Variants in PKIA observed in about 807,000 individuals in gnomAD.
PKIA encodes cAMP-dependent protein kinase inhibitor alpha, also known as PKI-alpha.
In PKIA, 4 loss-of-function variants were observed where a neutral mutation model predicts 7.6. The observed-to-expected ratio is 0.52, with a 90% CI of 0.26 to 1.20. The LOEUF (loss-of-function observed/expected upper bound fraction) is 1.20. Ranked by LOEUF, PKIA falls within the 50% of genes most tolerant of loss-of-function variation. The pLI is 0.13. For missense variants in PKIA, 73 were observed against 86.2 expected (o/e 0.85, Z 0.61); for synonymous variants, 21 against 30.7 (o/e 0.68, Z 1.04).
chr8:78,541,328 C>G (rs927076309), intron 1 of PKIA, among the ~76,000 whole-genome samples: 1 of 152,080 alleles, frequency 6.6e-6, no homozygotes, highest in African/African-American at 2.4e-5. Flanking sequence ...GGGTCATGCT[C>G]TTAATCATGA....
intron 1 of PKIA, among the ~76,000 whole-genome samples, chr8:78,548,706 T>G (rs754332893): frequency 2.0e-5 from 3 of 152,110 alleles, no homozygotes; most frequent in Non-Finnish European, 2.9e-5. Context: ...GTCAAATATA[T>G]GCAACTCCCT....
chr8:78,547,912 GTTAC>G (rs1242764528), intron 1 of PKIA, among the ~76,000 whole-genome samples: 19 of 152,068 alleles, frequency 1.2e-4, no homozygotes, highest in Admixed American at 1.2e-3. Context: ...ACTTTGTCCA[GTTAC>G]TTAAATTCAG....
chr8:78,597,739 T>G (rs1314407943), intron 2 of PKIA, among the ~76,000 whole-genome samples: 1 of 152,226 alleles, frequency 6.6e-6, no homozygotes, highest in Non-Finnish European at 1.5e-5. Context: ...AGTTTGTTTA[T>G]TACATTTGTT....
chr8:78,569,974 C>T (rs979930974), intron 1 of PKIA, among the ~76,000 whole-genome samples: 161 of 151,954 alleles, frequency 1.1e-3, no homozygotes, highest in African/African-American at 3.5e-3. Flanking sequence ...ATTTATCAAA[C>T]TTGAAAAACA....
At chr8:78,601,311 A>T (rs2130295429) in intron 3 of PKIA, among the ~76,000 whole-genome samples, 1 of 152,210 alleles carries the variant, frequency 6.6e-6, no homozygotes, top group Middle Eastern at 3.4e-3. Flanking sequence ...AAAGGAGAAA[A>T]TGCAGTTTTA....
At chr8:78,543,609 A>C (rs1806749561) in intron 1 of PKIA, among the ~76,000 whole-genome samples, 2 of 152,162 alleles carry the variant, frequency 1.3e-5, no homozygotes, top group African/African-American at 4.8e-5. Context: ...GTTCACACCT[A>C]AACCCAGGCA....
intron 1 of PKIA, among the ~76,000 whole-genome samples, chr8:78,544,300 T>C (rs1199463956): frequency 6.6e-6 from 1 of 152,198 alleles, no homozygotes; most frequent in Non-Finnish European, 1.5e-5. Context: ...GCTCTATATT[T>C]TCTAGGCCAT....
chr8:78,549,808 G>T (rs1806938295), intron 1 of PKIA, among the ~76,000 whole-genome samples: 1 of 151,476 alleles, frequency 6.6e-6, no homozygotes, highest in South Asian at 2.1e-4. Context: ...TGAAACAAAG[G>T]TCCATTTTGT....
chr8:78,534,760 T>C (rs751099351), intron 1 of PKIA: 3 of 152,138 alleles, frequency 2.0e-5, no homozygotes, highest in Non-Finnish European at 4.4e-5. Flanking sequence ...TAAATGTAGA[T>C]TGGGCCATGT....
chr8:78,549,260 T>G (rs1326739166), intron 1 of PKIA, among the ~76,000 whole-genome samples: 2 of 152,090 alleles, frequency 1.3e-5, no homozygotes, highest in Non-Finnish European at 2.9e-5. Context: ...ATGCTATGTG[T>G]TGTATGACAT....
chr8:78,587,536 A>T, intron 2 of PKIA, among the ~76,000 whole-genome samples: 1 of 152,190 alleles, frequency 6.6e-6, no homozygotes, highest in African/African-American at 2.4e-5. Context: ...TATTGCAAAG[A>T]TTAGTGGATA....
chr8:78,527,834 TTC>T (rs1251798439), intron 1 of PKIA, among the ~76,000 whole-genome samples: 1 of 152,134 alleles, frequency 6.6e-6, no homozygotes, highest in East Asian at 1.9e-4. Flanking sequence ...CCATCAGCTT[TTC>T]TGTCTTGAGG....
In PKIA at chr8:78,602,201, C is replaced by T. The variant is rs1248363857; in HGVS notation, c.*380C>T. Reference sequence around the variant, plus strand: ...TCTAATTGCGAAGGGTTGATTGAACCCCAGAGTTTAAATATCTCTGGCTCA... The same window carrying T: ...TCTAATTGCGAAGGGTTGATTGAACTCCAGAGTTTAAATATCTCTGGCTCA... On this transcript the variant is annotated 3_prime_UTR_variant, in exon 4 of 4. Transcript: ENST00000396418. 5.0e-6 allele frequency: 1 copy of T among 200,576 alleles called. No homozygotes were observed. The highest frequency in any genetic ancestry group is 2.4e-5 in the African/African-American group (1 of 42,174). 12.4% of individuals were successfully genotyped at this position (200,576 alleles called of 1,614,324 possible). A position where few individuals can be genotyped will look rare whatever the true frequency, so the allele number is the denominator to read the frequency against.
In PKIA at chr8:78,601,459, G is replaced by C. The variant is rs879337841; in HGVS notation, c.152-283G>C. On this transcript the variant is annotated intron_variant, in intron 3 of 3. Coordinates refer to ENST00000396418, the MANE Select transcript of PKIA (RefSeq NM_006823.4). ...GACATGACCTGGCCTTGAGATTTCTGAGCTATTTATCCAAAGCTTGGCTGA... is the reference window on the plus strand; with the variant it reads ...GACATGACCTGGCCTTGAGATTTCTCAGCTATTTATCCAAAGCTTGGCTGA... Among the ~76,000 whole-genome samples the C allele has an allele frequency of 3.3e-5, 5 of 152,110 alleles. 1 individual carries two copies. Among genetic ancestry groups the C allele is most frequent in the Admixed American group, 3.3e-4 (5 of 15,228 alleles).
chr8:78,530,095 A>T (rs1806356641), intron 1 of PKIA, among the ~76,000 whole-genome samples: 1 of 152,046 alleles, frequency 6.6e-6, no homozygotes, highest in Admixed American at 6.6e-5. Context: ...TCCTAAAATT[A>T]TGATAATAAA....
At chr8:78,568,754 G>T (rs1807477665) in intron 1 of PKIA, among the ~76,000 whole-genome samples, 1 of 152,164 alleles carries the variant, frequency 6.6e-6, no homozygotes, top group South Asian at 2.1e-4. Flanking sequence ...TATGAGAAAA[G>T]AGATTTCTAA....
intron 2 of PKIA, among the ~76,000 whole-genome samples, chr8:78,578,597 A>G (rs921157109): frequency 6.6e-6 from 1 of 152,042 alleles, no homozygotes; most frequent in Admixed American, 6.6e-5. Flanking sequence ...AGTTATTAAT[A>G]CAACAAACTT....
intron 2 of PKIA, among the ~76,000 whole-genome samples, chr8:78,579,385 A>G (rs1251843326): frequency 6.6e-6 from 1 of 152,044 alleles, no homozygotes; most frequent in East Asian, 1.9e-4. Flanking sequence ...ACATGGCCTT[A>G]GTCAATGTTC....
intron 2 of PKIA, among the ~76,000 whole-genome samples, chr8:78,593,146 G>A (rs1426552951): frequency 1.3e-5 from 2 of 151,986 alleles, no homozygotes; most frequent in Admixed American, 6.6e-5. Context: ...TGTTTGACAC[G>A]GAGTCTTGCT....
Sources: allele counts gnomAD v4.1 joint callset (sites outside exome capture counted in the v4.1 genomes callset), GRCh38; gene constraint gnomAD v4.1.1; transcripts MANE v1.5; gene names NCBI Gene and HGNC (gene_info 2026-07-23, HGNC 2026-07-21).